The following COL17A1 variants were observed in gnomAD, a reference collection of about 807,000 sequenced individuals.
COL17A1 encodes collagen alpha-1(XVII) chain.
In COL17A1, 181 loss-of-function variants were observed where a neutral mutation model predicts 218.4. The observed-to-expected ratio is 0.83, with a 90% CI of 0.73 to 0.94. The LOEUF is 0.94. COL17A1 is among the 40% of genes least tolerant of loss of function. The pLI, the probability that COL17A1 is intolerant of heterozygous loss-of-function variation, is 0.00. For synonymous variants in COL17A1, 721 were observed against 731.0 expected (o/e 0.99, Z 0.22); for missense variants, 1,924 against 1,945.9 (o/e 0.99, Z 0.21).
At chr10:104,042,294 G>C (rs978095004) in intron 36 of COL17A1, 126 bp downstream of exon 36, 1 of 982,356 alleles carries the variant, frequency 1.0e-6, no homozygotes, top group Non-Finnish European at 1.6e-6. Flanking sequence ...AAGAGCCCTG[G>C]CCCTGTCCTC....
intron 18 of COL17A1, 101 bp from the exon 19 acceptor site, chr10:104,055,502 G>C (rs1420980981): frequency 2.1e-6 from 3 of 1,453,158 alleles, no homozygotes; most frequent in Non-Finnish European, 2.9e-6. Flanking sequence ...TCATGGTATG[G>C]GAAGAAGAAA....
Position 104,040,405 on chromosome 10 carries a change from A to G in COL17A1, c.2707T>C (p.Phe903Leu), listed in dbSNP as rs1416192695. Residue 903 changes from phenylalanine (F) to leucine (L), a missense_variant, in exon 40 of 56, where the codon TTC becomes CTC. Phe to Leu is a conservative substitution (Grantham distance 22). Coordinates refer to ENST00000648076, the MANE Select transcript of COL17A1 (RefSeq NM_000494.4). Reference protein sequence around the residue: ...PGSFLSNSETFLSGPPGPPGP... With the variant: ...PGSFLSNSETLLSGPPGPPGP... ...GGTGGGCCTGGGGGGCCGGAGAGGA[A>G]GGTTTCTGCAGAGGAAGGAAATAGT... 6 of 1,607,476 alleles carry G rather than the reference A, an allele frequency of 3.7e-6. No individual in the cohort carries two copies. Among genetic ancestry groups the G allele is most frequent in the Middle Eastern group, 1.6e-4 (1 of 6,076 alleles).
Position 104,033,391 on chromosome 10 carries a change from G to T in COL17A1, c.4157-16C>A. 6.2e-7 allele frequency: 1 copy of T among 1,608,912 alleles called. No individual in the cohort carries two copies. On this transcript the variant is annotated splice_polypyrimidine_tract_variant and intron_variant, in intron 52 of 55. Coordinates refer to ENST00000648076, the MANE Select transcript of COL17A1 (RefSeq NM_000494.4). ...AGGCCCTGACCTGTAAAACACCAGA[G>T]CTTGGGCACAGGAAGCAGGGATCTC...
rs2086360725 is a variant in COL17A1 at position 104,041,597 on chromosome 10, A to G, written c.2552-59T>C. On this transcript the variant is annotated intron_variant, in intron 36 of 55. Transcript: ENST00000648076. Reference sequence around the variant, plus strand: ...CTGTCACGAGGCTGCTCTCTGCCACACTTCTCACCTCTCACTGGATCTGCA... The same window carrying G: ...CTGTCACGAGGCTGCTCTCTGCCACGCTTCTCACCTCTCACTGGATCTGCA... 3.5e-6 allele frequency: 5 copies of G among 1,432,042 alleles called. No homozygotes were observed. The South Asian group carries it at 3.5e-5, about 10-fold the overall frequency. 88.7% of individuals were successfully genotyped at this position (1,432,042 alleles called of 1,614,324 possible). A position where few individuals can be genotyped will look rare whatever the true frequency, so the allele number is the denominator to read the frequency against.
intron 10 of COL17A1, 77 bp from the exon 11 acceptor site, chr10:104,063,895 C>G: frequency 6.3e-7 from 1 of 1,597,876 alleles, no homozygotes; most frequent in Non-Finnish European, 8.6e-7. Context: ...ACCACAGAAG[C>G]ACCAGAAGAA....
At chr10:104,039,724 A>G in intron 41 of COL17A1, 84 bp from the exon 42 acceptor site, 1 of 1,581,824 alleles carries the variant, frequency 6.3e-7, no homozygotes, top group South Asian at 1.1e-5. Context: ...AAGATCCATG[A>G]TTGCTGGGGC....
Position 104,032,196 on chromosome 10 carries a change from T to C in COL17A1, c.*39A>G. The C allele has an allele frequency of 6.3e-7, 1 of 1,577,278 alleles. No homozygotes were observed. Among genetic ancestry groups the C allele is most frequent in the Non-Finnish European group, 8.7e-7 (1 of 1,146,572 alleles). ...CCTTGGACCTAAGTGCCACATGCAT[T>C]ATGAGACCTGGTCCAGGAGCTGTCC... On this transcript the variant is annotated 3_prime_UTR_variant, in exon 56 of 56. Transcript: ENST00000648076.
chr10:104,075,370 A>T (rs1454030902), intron 5 of COL17A1, among the ~76,000 whole-genome samples: 1 of 151,834 alleles, frequency 6.6e-6, no homozygotes, highest in Non-Finnish European at 1.5e-5. Context: ...TCCCTGTTTC[A>T]GTTGTTGGCA....
chr10:104,050,792 C>A, intron 26 of COL17A1, 56 bp downstream of exon 26: 3 of 1,614,136 alleles, frequency 1.9e-6, no homozygotes, highest in South Asian at 2.2e-5. Context: ...CCTGCATAGG[C>A]TGTGGGTCGT....
intron 2 of COL17A1, among the ~76,000 whole-genome samples, chr10:104,079,926 CAA>C (rs11369650): frequency 9.6e-5 from 13 of 134,972 alleles, no homozygotes; most frequent in Admixed American, 2.2e-4. Flanking sequence ...GACTCCGTCT[CAA>C]AAAAAAAAAA....
chr10:104,077,001 C>T (rs1296383674), intron 4 of COL17A1, among the ~76,000 whole-genome samples: 2 of 152,166 alleles, frequency 1.3e-5, no homozygotes, highest in East Asian at 3.8e-4. Flanking sequence ...CACAGTAACC[C>T]AATCGTTAAG....
Position 104,031,514 on chromosome 10 carries a change from T to A in COL17A1, c.*721A>T, listed in dbSNP as rs1844682082. On this transcript the variant is annotated 3_prime_UTR_variant, in exon 56 of 56. Coordinates refer to ENST00000648076, the MANE Select transcript of COL17A1 (RefSeq NM_000494.4). ...TCCCTCTTCTCCCTTTATTCCTTCC[T>A]TGTCCATTGCCCTCAACCTTCTTTT... 1 of 152,416 alleles carries A rather than the reference T, an allele frequency of 6.6e-6. No individual in the cohort carries two copies. The highest frequency in any genetic ancestry group is 1.5e-5 in the Non-Finnish European group (1 of 68,098). 9.4% of individuals were successfully genotyped at this position (152,416 alleles called of 1,614,324 possible). A position where few individuals can be genotyped will look rare whatever the true frequency, so the allele number is the denominator to read the frequency against.
intron 25 of COL17A1, 126 bp from the exon 26 acceptor site, chr10:104,051,027 G>A: frequency 6.6e-7 from 1 of 1,520,292 alleles, no homozygotes; most frequent in South Asian, 1.2e-5. Context: ...AAAGTCAAAG[G>A]ATGCTTTCCA....
chr10:104,045,184 T>G (rs1210446055), intron 33 of COL17A1, among the ~76,000 whole-genome samples: 1 of 152,156 alleles, frequency 6.6e-6, no homozygotes, highest in Non-Finnish European at 1.5e-5. Flanking sequence ...TGCATGGGCA[T>G]CACCACATTG....
chr10:104,048,982 C>A (rs576801462), intron 29 of COL17A1, among the ~76,000 whole-genome samples: 1 of 152,108 alleles, frequency 6.6e-6, no homozygotes, highest in Non-Finnish European at 1.5e-5. Flanking sequence ...AATCACTGCA[C>A]CTGGCTACCT....
chr10:104,039,881 T>C, intron 41 of COL17A1, 92 bp downstream of exon 41: 9 of 1,543,334 alleles, frequency 5.8e-6, no homozygotes, highest in Non-Finnish European at 8.1e-6. Context: ...TTGCACCAGG[T>C]GCCTTTCTAT....
intron 11 of COL17A1, 186 bp downstream of exon 11, chr10:104,063,561 C>A: frequency 1.1e-6 from 1 of 903,932 alleles, no homozygotes; most frequent in Non-Finnish European, 1.7e-6. Flanking sequence ...CACGTCCCCT[C>A]GCCTGAGACT....
rs1554847354 is a variant in COL17A1 at position 104,038,223 on chromosome 10, G to GACAT, written c.3070+182_3070+183insATGT. Among the ~76,000 whole-genome samples the GACAT allele has an allele frequency of 7.9e-5, 10 of 126,670 alleles. No individual in the cohort carries two copies. The East Asian group carries it at 2.3e-3, about 29-fold the overall frequency. 83.1% of individuals were successfully genotyped at this position (126,670 alleles called of 152,430 possible). On this transcript the variant is annotated intron_variant, in intron 45 of 55. Coordinates refer to ENST00000648076, the MANE Select transcript of COL17A1 (RefSeq NM_000494.4). ...GGGAAGACCTGGGCCTGGACACATA[G>GACAT]ACACACATACACACACACACACACA...
Position 104,035,345 on chromosome 10 carries a change from G to A in COL17A1, c.3537C>T (p.Pro1179=), listed in dbSNP as rs763299430. 3.1e-6 allele frequency: 5 copies of A among 1,613,524 alleles called. No homozygotes were observed. In the South Asian group the frequency reaches 4.4e-5, roughly 14 times the overall value. ...TCCCTGGTGGACCCGGGGGACCTGG[G>A]GGTCCAACGATGCCTCTGAATTCAG... ...RGSEFRGIVG[P]PGPPGPPGIP... The change falls in exon 50 of 56, where the codon CCC becomes CCT. Residue 1179 remains proline, a synonymous_variant. Transcript: ENST00000648076.
Sources: gnomAD v4.1 joint callset for allele counts (sites outside exome capture counted in the v4.1 genomes callset) on GRCh38, gnomAD v4.1.1 for gene constraint, MANE v1.5 for transcripts, NCBI Gene and HGNC (gene_info 2026-07-23, HGNC 2026-07-21) for gene names.